Variants in GRIP1 observed in about 807,000 individuals in gnomAD.
GRIP1 encodes the protein glutamate receptor-interacting protein 1.
In GRIP1, 45 loss-of-function variants were observed where a neutral mutation model predicts 129.9. That is an observed-to-expected ratio of 0.35 (90% CI 0.27 to 0.44). The LOEUF is 0.44. Ranked by LOEUF, GRIP1 falls within the 20% of genes least tolerant of loss-of-function variation. The pLI, the probability that GRIP1 is intolerant of heterozygous loss-of-function variation, is 1.00. For missense variants in GRIP1, 1,196 were observed against 1,396.8 expected (o/e 0.86, Z 2.29); for synonymous variants, 530 against 520.8 (o/e 1.02, Z -0.24).
At chr12:66,814,200 A>C (rs915266498) in intron 1 of GRIP1, among the ~76,000 whole-genome samples, 1 of 152,128 alleles carries the variant, frequency 6.6e-6, no homozygotes, top group Non-Finnish European at 1.5e-5. Flanking sequence ...TGCAACTGTG[A>C]GCAAGTTAAA....
In GRIP1 at chr12:66,717,997, C is replaced by T. The variant is rs2035945139; in HGVS notation, c.-420+86056G>A. Among the ~76,000 whole-genome samples, 3 of 152,090 alleles carry T rather than the reference C, an allele frequency of 2.0e-5. No homozygotes were observed. In the South Asian group the frequency reaches 6.2e-4, roughly 32 times the overall value. ...CTGGACATAGGAACAATGATCAAAT[C>T]AGTGCTGTGCAGGGTCATCACAACA... On this transcript the variant is annotated intron_variant, in intron 1 of 4. Coordinates refer to the GRIP1 transcript ENST00000538373.
At chr12:66,683,162 T>A (rs1212206810), upstream of GRIP1, among the ~76,000 whole-genome samples, 1 of 152,058 alleles carries the variant, frequency 6.6e-6, no homozygotes, top group Non-Finnish European at 1.5e-5. Flanking sequence ...TCTCACCCAC[T>A]TTTTCATCTC....
rs17247855 is a variant in GRIP1, at chr12:66,997,143, G to A, written c.58+71907C>T. 3.3e-3 allele frequency among the ~76,000 whole-genome samples: 508 copies of A among 152,218 alleles called. 16 individuals carry two copies. In the East Asian group the frequency reaches 0.083, roughly 25 times the overall value. On this transcript the variant is annotated intron_variant, in intron 1 of 1. Transcript: ENST00000643019. ...CGAAACTTCTGACCAAATCTGCAGCGTAAGAGTGACATTTCTCTAAGAATT... is the reference window on the plus strand; with the variant it reads ...CGAAACTTCTGACCAAATCTGCAGCATAAGAGTGACATTTCTCTAAGAATT...
intron 1 of GRIP1, among the ~76,000 whole-genome samples, chr12:66,785,376 G>C (rs2038306872): frequency 2.9e-5 from 2 of 68,900 alleles, no homozygotes; most frequent in Non-Finnish European, 7.1e-5. Context: ...GTTGGGCATG[G>C]TAGCACTTTC....
chr12:66,986,689 GA>G (rs1264089203), intron 1 of GRIP1, among the ~76,000 whole-genome samples: 1 of 100,002 alleles, frequency 1.0e-5, no homozygotes, highest in Non-Finnish European at 1.9e-5. Flanking sequence ...GGGGTGGGGG[GA>G]GGGGGGAGGG....
intron 7 of GRIP1, among the ~76,000 whole-genome samples, chr12:66,492,185 A>G (rs893095640): frequency 5.9e-5 from 9 of 152,074 alleles, no homozygotes; most frequent in Non-Finnish European, 1.3e-4. Flanking sequence ...AAAAAAAAGT[A>G]TCCTAGTTCT....
chr12:66,684,690 C>CA (rs1381761513), intron 1 of GRIP1, among the ~76,000 whole-genome samples: 1 of 152,026 alleles, frequency 6.6e-6, no homozygotes, highest in Non-Finnish European at 1.5e-5. Flanking sequence ...ACTAAAAACA[C>CA]AAAAATTAGC....
intron 1 of GRIP1, among the ~76,000 whole-genome samples, chr12:66,902,186 A>C (rs74098137): frequency 1.5e-3 from 235 of 152,282 alleles, no homozygotes; most frequent in African/African-American, 5.1e-3. Flanking sequence ...GATATTCAAC[A>C]AGTGTTAGAA....
chr12:66,903,275 A>C (rs2040872841), intron 1 of GRIP1, among the ~76,000 whole-genome samples: 1 of 151,204 alleles, frequency 6.6e-6, no homozygotes, highest in Non-Finnish European at 1.5e-5. Flanking sequence ...ACTTTATGGC[A>C]GAGTGTAAAC....
At chr12:66,359,782 A>G (rs2054660313) in intron 23 of GRIP1, among the ~76,000 whole-genome samples, 1 of 152,324 alleles carries the variant, frequency 6.6e-6, no homozygotes. Context: ...AAAAGATAAG[A>G]GTCTAGAAAT....
rs776277158 is a variant in GRIP1, at chr12:66,444,575, T to C, written c.1687+9A>G. On this transcript the variant is annotated intron_variant, in intron 13 of 24. Coordinates refer to ENST00000359742, the MANE Select transcript of GRIP1 (RefSeq NM_001366722.1). Reference sequence around the variant, plus strand: ...CATGCAGTCCACTCCTGAGATGATATGATTATACCTGCAACATCAAACTCG... The same window carrying C: ...CATGCAGTCCACTCCTGAGATGATACGATTATACCTGCAACATCAAACTCG... 3.2e-5 allele frequency: 51 copies of C among 1,602,912 alleles called. No individual in the cohort carries two copies. In the South Asian group the frequency reaches 5.1e-4, roughly 16 times the overall value.
At chr12:66,727,711 T>G (rs1006197407) in intron 1 of GRIP1, among the ~76,000 whole-genome samples, 1 of 152,176 alleles carries the variant, frequency 6.6e-6, no homozygotes, top group Admixed American at 6.5e-5. Flanking sequence ...TTTAAACACA[T>G]AGCCTTTTGA....
intron 2 of GRIP1, among the ~76,000 whole-genome samples, chr12:66,557,449 T>C (rs2062373899): frequency 6.6e-6 from 1 of 152,174 alleles, no homozygotes; most frequent in Non-Finnish European, 1.5e-5. Context: ...ATGGACTTAA[T>C]CTGGACTACA....
chr12:66,537,519 C>CATATATATATAT (rs3047978), intron 4 of GRIP1, among the ~76,000 whole-genome samples: 4 of 149,310 alleles, frequency 2.7e-5, no homozygotes, highest in African/African-American at 7.4e-5. Context: ...ATGGATATAT[C>CATATATATATAT]ATATATATAT....
At chr12:66,973,420 C>T (rs1344628945) in intron 1 of GRIP1, among the ~76,000 whole-genome samples, 1 of 147,498 alleles carries the variant, frequency 6.8e-6, no homozygotes, top group African/African-American at 2.5e-5. Flanking sequence ...CTTCAAAACC[C>T]CTCTTTCAGC....
intron 1 of GRIP1, among the ~76,000 whole-genome samples, chr12:66,817,210 A>G (rs1191801831): frequency 1.6e-5 from 2 of 124,986 alleles, no homozygotes; most frequent in African/African-American, 5.0e-5. Flanking sequence ...ATGCACACAC[A>G]CACACACACA....
At chr12:66,397,097 C>T (rs528956505) in intron 16 of GRIP1, among the ~76,000 whole-genome samples, 6 of 100,994 alleles carry the variant, frequency 5.9e-5, no homozygotes, top group East Asian at 6.6e-4. Flanking sequence ...GGCGATGGAG[C>T]GAGACTCTGT....
intron 19 of GRIP1, among the ~76,000 whole-genome samples, chr12:66,381,344 C>T (rs978069253): frequency 1.3e-5 from 2 of 152,226 alleles, no homozygotes; most frequent in Non-Finnish European, 2.9e-5. Flanking sequence ...CTTAAGGAAA[C>T]ACAGATGTGT....
rs1192471193 is a variant in GRIP1, at chr12:66,442,136, A to G, written c.1687+2448T>C. Among the ~76,000 whole-genome samples, 7 of 152,296 alleles carry G rather than the reference A, an allele frequency of 4.6e-5. No homozygotes were observed. The East Asian group carries it at 9.6e-4, about 21-fold the overall frequency. ...CCTCAGATTAGCTCCTCTGCATAAA[A>G]TGCTCCATGGCTTCATTACACTTGG... On this transcript the variant is annotated intron_variant, in intron 13 of 24. Transcript: ENST00000359742.
Sources: allele counts gnomAD v4.1 joint callset (sites outside exome capture counted in the v4.1 genomes callset), GRCh38; gene constraint gnomAD v4.1.1; transcripts MANE v1.5; gene names NCBI Gene and HGNC (gene_info 2026-07-23, HGNC 2026-07-21).